The following FLNC variants were observed in gnomAD, a reference collection of about 807,000 sequenced individuals.
FLNC encodes filamin C.
Under a neutral mutation model 254.3 loss-of-function variants are expected in FLNC, and 91 were observed. That is an observed-to-expected ratio of 0.36 (90% CI 0.30 to 0.43). The LOEUF (loss-of-function observed/expected upper bound fraction) is 0.43. FLNC is among the 20% of genes least tolerant of loss of function. FLNC has a pLI of 1.00. For missense variants in FLNC, 2,853 were observed against 3,802.6 expected (o/e 0.75, Z 6.57); for synonymous variants, 1,430 against 1,577.2 (o/e 0.91, Z 2.21).
At chr7:128,832,313 G>A (rs569258695) in intron 1 of FLNC, among the ~76,000 whole-genome samples, 8 of 152,290 alleles carry the variant, frequency 5.3e-5, no homozygotes, top group African/African-American at 1.9e-4. Context: ...CAAGGCTGAG[G>A]GCAGGGGGTG....
In FLNC at chr7:128,856,905, C is replaced by T. The variant is rs369791058; in HGVS notation, c.7545C>T (p.Leu2515=). The T allele has an allele frequency of 9.8e-4, 1,578 of 1,614,006 alleles. 32 individuals carry two copies. In the South Asian group the frequency reaches 0.016, roughly 17 times the overall value. ...PGLVSAYGPG[L]EGGTTGVSSE... is the part of the protein sequence containing the mutation. Reference sequence around the variant, plus strand: ...TGGTGTCAGCCTACGGTCCTGGGCTCGAGGGAGGCACTACCGGTGAGTGCC... The same window carrying T: ...TGGTGTCAGCCTACGGTCCTGGGCTTGAGGGAGGCACTACCGGTGAGTGCC... Residue 2515 remains leucine (L), a synonymous_variant, in exon 45 of 48, where the codon CTC becomes CTT. Transcript: ENST00000325888. This position sits in a 1 kb window ranked among gnomAD's most constrained non-coding sequence, Gnocchi z 5.9.
chr7:128,846,844 C>T lies in FLNC; in HGVS notation c.4227C>T (p.Tyr1409=). The T allele has an allele frequency of 6.2e-7, 1 of 1,614,252 alleles. No individual in the cohort carries two copies. Among genetic ancestry groups the T allele is most frequent in the Non-Finnish European group, 8.5e-7 (1 of 1,180,028 alleles). The part of the protein sequence containing the change: ...DNKDGSCTVE[Y]IPFTPGDYDV... ...AGGATGGTAGCTGCACCGTGGAGTA[C>T]ATCCCCTTCACTCCTGGAGACTATG... The change falls in exon 24 of 48, where the codon TAC becomes TAT. Residue 1409 remains tyrosine, a synonymous_variant. Coordinates refer to ENST00000325888, the MANE Select transcript of FLNC (RefSeq NM_001458.5).
In FLNC at chr7:128,842,677, G is replaced by A; in HGVS notation, c.2368G>A (p.Asp790Asn). 6.4e-7 allele frequency: 1 copy of A among 1,556,468 alleles called. No homozygotes were observed. The highest frequency in any genetic ancestry group is 8.7e-7 in the Non-Finnish European group (1 of 1,149,820). ...CAATGAGCCCACCTACTTCACGGTG[G>A]ACTGCAGCGAGGCGGGGCAAGGTGC... ...KANEPTYFTV[D>N]CSEAGQGDVS... The change falls in exon 15 of 48, where the codon GAC (aspartate) becomes AAC (asparagine). Residue 790 changes from aspartate (D) to asparagine (N), a missense_variant. Around this residue, in one of 10 missense-constraint regions of FLNC, gnomAD observed 1,573 missense variants for 1,883.5 expected, o/e 0.84. Coordinates refer to ENST00000325888, the MANE Select transcript of FLNC (RefSeq NM_001458.5). The surrounding 1 kb of genome is among the most constrained non-coding windows in gnomAD (Gnocchi z 5.4).
At chr7:128,846,677 C>G (rs931394163) in intron 23 of FLNC, 68 bp from the exon 24 acceptor site, 7 of 1,518,628 alleles carry the variant, frequency 4.6e-6, no homozygotes, top group African/African-American at 1.4e-5. Flanking sequence ...CCCTGTCCCC[C>G]CATTCAGCTA....
At chr7:128,847,038 C>A in intron 24 of FLNC, 133 bp downstream of exon 24, 1 of 1,138,532 alleles carries the variant, frequency 8.8e-7, no homozygotes, top group South Asian at 1.4e-5. Context: ...GGGTTGGGGC[C>A]GGAGCCCGGC....
intron 1 of FLNC, among the ~76,000 whole-genome samples, chr7:128,831,501 CG>C (rs1807891216): frequency 6.6e-6 from 1 of 152,230 alleles, no homozygotes; most frequent in Admixed American, 6.5e-5. Context: ...GGAGCTGGCG[CG>C]GGAGGCCCTC....
chr7:128,840,780 G>A lies in FLNC; in HGVS notation c.1677-54G>A, dbSNP rs547664332. 3.1e-5 allele frequency: 49 copies of A among 1,600,044 alleles called. 1 individual carries two copies. The highest frequency in any genetic ancestry group is 8.4e-5 in the Admixed American group (5 of 59,810). On this transcript the variant is annotated intron_variant, in intron 10 of 47. Coordinates refer to ENST00000325888, the MANE Select transcript of FLNC (RefSeq NM_001458.5). ...TGAGGGGAGATGGAGTTTGGGCTGC[G>A]AGGGACTTTGGGGGGCACTTCCTGG...
rs1486721149 is a variant in FLNC, at chr7:128,854,454, C to T, written c.6769C>T (p.Pro2257Ser). Residue 2257 changes from proline to serine, a missense_variant, in exon 41 of 48, where the codon CCA becomes TCA. Physicochemically the swap from Pro to Ser is moderately conservative, Grantham distance 74. Coordinates refer to ENST00000325888, the MANE Select transcript of FLNC (RefSeq NM_001458.5). Reference protein sequence around the residue: ...SQDMTAQVTSPSGKVEAAEIV... With the variant: ...SQDMTAQVTSSSGKVEAAEIV... ...GGACATGACTGCACAGGTGACCAGC[C>T]CATCGGGCAAGGTGGAAGCCGCAGA... 6.2e-7 allele frequency: 1 copy of T among 1,609,932 alleles called. No homozygotes were observed. Among genetic ancestry groups the T allele is most frequent in the Admixed American group, 1.7e-5 (1 of 59,450 alleles).
In FLNC at chr7:128,853,457, G is replaced by A. The variant is rs759937790; in HGVS notation, c.6209-12G>A. ...TAGGACTGAGGGAGATGTGTTCCTT[G>A]CTTTCCCCCAGGTTATGGGGGCTTG... On this transcript the variant is annotated splice_polypyrimidine_tract_variant and intron_variant, in intron 37 of 47. Transcript: ENST00000325888. The A allele has an allele frequency of 6.8e-6, 11 of 1,613,650 alleles. No individual in the cohort carries two copies. The highest frequency in any genetic ancestry group is 8.5e-6 in the Non-Finnish European group (10 of 1,179,982).
intron 1 of FLNC, among the ~76,000 whole-genome samples, chr7:128,831,778 T>A (rs924018132): frequency 6.9e-6 from 1 of 144,966 alleles, no homozygotes; most frequent in Non-Finnish European, 1.5e-5. Flanking sequence ...TCTTTGAGTG[T>A]AACCAGATTT....
chr7:128,846,676 C>T (rs1207840500), intron 23 of FLNC, 69 bp from the exon 24 acceptor site: 40 of 1,515,718 alleles, frequency 2.6e-5, no homozygotes, highest in Non-Finnish European at 3.4e-5. Flanking sequence ...TCCCTGTCCC[C>T]CCATTCAGCT....
chr7:128,833,448 C>T (rs374841047), intron 1 of FLNC, among the ~76,000 whole-genome samples: 9 of 152,308 alleles, frequency 5.9e-5, no homozygotes, highest in South Asian at 4.1e-4. Flanking sequence ...GCCTGGCCTC[C>T]GAGAGGGAGG....
chr7:128,843,363 T>A, intron 17 of FLNC, 44 bp downstream of exon 17: 1 of 1,612,872 alleles, frequency 6.2e-7, no homozygotes, highest in Non-Finnish European at 8.5e-7. Flanking sequence ...AGGTTGGGGT[T>A]AGGTGGCTGC....
At chr7:128,846,274 A>C in intron 22 of FLNC, 27 bp from the exon 23 acceptor site, 2 of 1,613,610 alleles carry the variant, frequency 1.2e-6, no homozygotes, top group Admixed American at 1.7e-5. Flanking sequence ...ACACTCCCTG[A>C]TTGATGCCCC....
intron 1 of FLNC, 70 bp downstream of exon 1, chr7:128,831,059 C>T: frequency 2.1e-6 from 3 of 1,438,360 alleles, no homozygotes; most frequent in East Asian, 2.3e-5. Context: ...GGCACAGGTG[C>T]GGGGTGGGCG....
At chr7:128,852,569 G>C in intron 35 of FLNC, 22 bp from the exon 36 acceptor site, 1 of 1,613,088 alleles carries the variant, frequency 6.2e-7, no homozygotes, top group Non-Finnish European at 8.5e-7. Context: ...ATAGCAGCCT[G>C]ATGCCCCAAC....
Position 128,842,783 on chromosome 7 carries a change from C to A in FLNC, c.2390-11C>A. 6.2e-7 allele frequency: 1 copy of A among 1,613,228 alleles called. No individual in the cohort carries two copies. The highest frequency in any genetic ancestry group is 1.1e-5 in the South Asian group (1 of 91,052). ...TGAGCCCAACTCACAGCAGTGCCCG[C>A]TTCTCTGCAGGCGACGTGAGCATCG... On this transcript the variant is annotated splice_polypyrimidine_tract_variant and intron_variant, in intron 15 of 47. Coordinates refer to ENST00000325888, the MANE Select transcript of FLNC (RefSeq NM_001458.5). The surrounding 1 kb of genome is among the most constrained non-coding windows in gnomAD (Gnocchi z 5.4).
intron 20 of FLNC, among the ~76,000 whole-genome samples, 176 bp from the exon 21 acceptor site, chr7:128,844,482 C>G (rs1200953359): frequency 6.6e-6 from 1 of 152,188 alleles, no homozygotes; most frequent in Non-Finnish European, 1.5e-5. Context: ...AATCCCAGGT[C>G]CACTAACTGG....
In FLNC at chr7:128,835,584, C is replaced by T. The variant is rs763284911; in HGVS notation, c.601+10C>T. 1 of 1,612,478 alleles carries T rather than the reference C, an allele frequency of 6.2e-7. No individual in the cohort carries two copies. The highest frequency in any genetic ancestry group is 1.1e-5 in the South Asian group (1 of 91,070). ...GACAACTGCGCCCCCGGTGAGTGGGCCAGTGAGCACAGCATGGAGCCCTTA... is the reference window on the plus strand; with the variant it reads ...GACAACTGCGCCCCCGGTGAGTGGGTCAGTGAGCACAGCATGGAGCCCTTA... On this transcript the variant is annotated intron_variant, in intron 2 of 47. Transcript: ENST00000325888. This position sits in a 1 kb window ranked among gnomAD's most constrained non-coding sequence, Gnocchi z 5.3.
Sources: gnomAD v4.1 joint callset for allele counts (sites outside exome capture counted in the v4.1 genomes callset) on GRCh38, gnomAD v4.1.1 for gene constraint, gnomAD v4.1.1 regional missense constraint, Gnocchi (gnomAD v3.1) non-coding constraint, MANE v1.5 for transcripts, NCBI Gene and HGNC (gene_info 2026-07-23, HGNC 2026-07-21) for gene names.